SAXO1: variants seen among roughly 807,000 people sequenced by gnomAD.
SAXO1 encodes stabilizer of axonemal microtubules 1.
Under a neutral mutation model 17.5 loss-of-function variants are expected in SAXO1, and 21 were observed. The observed-to-expected ratio is 1.20, with a 90% CI of 0.85 to 1.72. SAXO1 has a LOEUF of 1.72. SAXO1 is among the 40% of genes most tolerant of loss of function. The pLI is 0.00. For missense variants in SAXO1, 843 were observed against 596.0 expected, an observed-to-expected ratio of 1.41 and a Z score of -4.32; for synonymous variants, 274 against 216.5, an observed-to-expected ratio of 1.27 and a Z score of -2.33.
chr9:19,030,679 G>A (rs114315215), intron 1 of SAXO1, among the ~76,000 whole-genome samples: 12 of 151,978 alleles, frequency 7.9e-5, no homozygotes, highest in African/African-American at 2.7e-4. Context: ...GCACGACAGA[G>A]TAAGACTCCA....
intron 1 of SAXO1, among the ~76,000 whole-genome samples, chr9:18,953,555 AC>A (rs1156279246): frequency 1.3e-5 from 2 of 152,074 alleles, no homozygotes; most frequent in Non-Finnish European, 2.9e-5. Context: ...AATATCAAAA[AC>A]CCTTATGCAA....
chr9:18,995,502 G>C (rs1244994945), intron 1 of SAXO1, among the ~76,000 whole-genome samples: 1 of 152,180 alleles, frequency 6.6e-6, no homozygotes, highest in Non-Finnish European at 1.5e-5. Flanking sequence ...CACTAAAGAA[G>C]AATGTTCTCC....
At chr9:19,027,593 C>T in intron 1 of SAXO1, 2 of 1,424,882 alleles carry the variant, frequency 1.4e-6, no homozygotes, top group Non-Finnish European at 2.0e-6. Context: ...GCTGACTGGC[C>T]CCCAGCTGGT....
chr9:19,022,247 T>C (rs1013321841), intron 1 of SAXO1, among the ~76,000 whole-genome samples: 2 of 152,134 alleles, frequency 1.3e-5, no homozygotes, highest in African/African-American at 4.8e-5. Flanking sequence ...ACCAACCCAC[T>C]GGAAGGAAGA....
At chr9:19,008,056 C>T (rs911233961) in intron 1 of SAXO1, among the ~76,000 whole-genome samples, 3 of 151,912 alleles carry the variant, frequency 2.0e-5, no homozygotes, top group Non-Finnish European at 4.4e-5. Context: ...TAGCATTGAC[C>T]TCCCAGGCTT....
At chr9:19,015,290 C>T (rs1412926813) in intron 1 of SAXO1, among the ~76,000 whole-genome samples, 1 of 152,150 alleles carries the variant, frequency 6.6e-6, no homozygotes, top group Non-Finnish European at 1.5e-5. Flanking sequence ...CACAGCCTCC[C>T]AAGTAATTGG....
intron 1 of SAXO1, among the ~76,000 whole-genome samples, chr9:19,022,107 G>A (rs888448986): frequency 7.9e-5 from 12 of 152,280 alleles, no homozygotes; most frequent in African/African-American, 2.9e-4. Context: ...GAGTTTCTGT[G>A]GCTTCATTCC....
At chr9:18,954,529 G>A (rs987745126) in intron 1 of SAXO1, among the ~76,000 whole-genome samples, 1 of 151,930 alleles carries the variant, frequency 6.6e-6, no homozygotes, top group Non-Finnish European at 1.5e-5. Flanking sequence ...TAGAGATAGG[G>A]TTTCACCATG....
intron 1 of SAXO1, among the ~76,000 whole-genome samples, chr9:18,987,485 TC>T (rs1833640343): frequency 6.6e-6 from 1 of 152,224 alleles, no homozygotes; most frequent in Non-Finnish European, 1.5e-5. Flanking sequence ...GGAAATATGA[TC>T]CAGCTTTTCC....
At chr9:19,007,877 T>G (rs751762369) in intron 1 of SAXO1, among the ~76,000 whole-genome samples, 8 of 152,208 alleles carry the variant, frequency 5.3e-5, no homozygotes, top group Non-Finnish European at 1.0e-4. Context: ...TTCTTTTATG[T>G]ATTGTCTATG....
intron 1 of SAXO1, among the ~76,000 whole-genome samples, chr9:18,963,606 T>C (rs932022981): frequency 1.3e-5 from 2 of 151,970 alleles, no homozygotes; most frequent in Admixed American, 6.6e-5. Flanking sequence ...CTAATATTAG[T>C]GTATAGAAAT....
At chr9:18,948,897 AC>A (rs1377437566) in intron 2 of SAXO1, among the ~76,000 whole-genome samples, 1 of 152,128 alleles carries the variant, frequency 6.6e-6, no homozygotes, top group Non-Finnish European at 1.5e-5. Context: ...AAAGACCCAC[AC>A]CTGGAGACCG....
intron 1 of SAXO1, among the ~76,000 whole-genome samples, chr9:19,003,631 T>A (rs1311335781): frequency 4.6e-5 from 7 of 151,960 alleles, no homozygotes; most frequent in African/African-American, 1.7e-4. Flanking sequence ...CTGACAAAAA[T>A]AAGCAATGGG....
At chr9:18,955,412 T>G (rs763688345) in intron 1 of SAXO1, among the ~76,000 whole-genome samples, 11 of 152,186 alleles carry the variant, frequency 7.2e-5, no homozygotes, top group Non-Finnish European at 1.5e-4. Context: ...ACATTCCAAA[T>G]GCTCAACAGC....
At chr9:18,991,009 G>C (rs962040392) in intron 1 of SAXO1, among the ~76,000 whole-genome samples, 18 of 152,274 alleles carry the variant, frequency 1.2e-4, no homozygotes, top group African/African-American at 4.1e-4. Flanking sequence ...TGTAATCTCA[G>C]CACTTTGGGA....
rs1831575356 is a variant in SAXO1, at chr9:18,941,820, T to A, written c.238A>T (p.Lys80Ter). 7 of 1,614,196 alleles carry A rather than the reference T, an allele frequency of 4.3e-6. 1 individual carries two copies. The East Asian group carries it at 1.6e-4, about 36-fold the overall frequency. Residue 80 changes from lysine (K) to a stop codon, truncating the protein, a stop_gained, in exon 3 of 4, where the codon AAA (lysine) becomes TAA (stop). Transcript: ENST00000380534. LOFTEE classifies it high-confidence loss of function. ...TTSRRDFGPH[K>*]VAPVKVHQYD... The stretch of plus-strand genomic sequence containing the variant: ...TGGTGGACCTTCACTGGTGCCACTT[T>A]GTGAGGCCCAAAATCTCTCCTGTAA...
In SAXO1 at chr9:18,965,250, G is replaced by C. The variant is rs995831692; in HGVS notation, c.39-14313C>G. On this transcript the variant is annotated intron_variant, in intron 1 of 3. Coordinates refer to ENST00000380534, the MANE Select transcript of SAXO1 (RefSeq NM_153707.4). Reference sequence around the variant, plus strand: ...ATATTCTGTTGATTTGGAGTGGAGAGTTCTGGAGGTGTCTATTAGGTCCAC... The same window carrying C: ...ATATTCTGTTGATTTGGAGTGGAGACTTCTGGAGGTGTCTATTAGGTCCAC... Among the ~76,000 whole-genome samples, 3 of 152,326 alleles carry C rather than the reference G, an allele frequency of 2.0e-5. No individual in the cohort carries two copies. In the South Asian group the frequency reaches 6.2e-4, roughly 32 times the overall value.
chr9:18,962,655 G>A (rs1201084328), intron 1 of SAXO1, among the ~76,000 whole-genome samples: 2 of 150,094 alleles, frequency 1.3e-5, no homozygotes, highest in Non-Finnish European at 2.9e-5. Flanking sequence ...TTTTGATGGG[G>A]TTGTATTTTT....
chr9:18,946,401 TA>T (rs1831799168), intron 2 of SAXO1, among the ~76,000 whole-genome samples: 1 of 144,818 alleles, frequency 6.9e-6, no homozygotes, highest in East Asian at 2.1e-4. Flanking sequence ...ATTCTGTACA[TA>T]AACTGGGCCC....
Sources: allele counts gnomAD v4.1 joint callset (sites outside exome capture counted in the v4.1 genomes callset), GRCh38; gene constraint gnomAD v4.1.1; transcripts MANE v1.5; gene names NCBI Gene and HGNC (gene_info 2026-07-23, HGNC 2026-07-21).